YBX3: variants seen among roughly 807,000 people sequenced by gnomAD.
The protein encoded by YBX3 is Y-box binding protein 3.
Under a neutral mutation model 42.4 loss-of-function variants are expected in YBX3, and 29 were observed. The observed-to-expected ratio is 0.68, with a 90% CI of 0.51 to 0.93. The LOEUF is 0.93. Among genes scored for constraint, YBX3 ranks in the 40% least tolerant of loss-of-function variants. The pLI, the probability that YBX3 is intolerant of heterozygous loss-of-function variation, is 0.00. For synonymous variants in YBX3, 195 were observed against 189.8 expected, an observed-to-expected ratio of 1.03 and a Z score of -0.22; for missense variants, 517 against 527.5, an observed-to-expected ratio of 0.98 and a Z score of 0.19.
In YBX3 at chr12:10,710,011, G is replaced by GGGC; in HGVS notation, c.674_676dup (p.Arg225dup). 6.2e-7 allele frequency: 1 copy of GGGC among 1,613,944 alleles called. No homozygotes were observed. Among genetic ancestry groups the GGGC allele is most frequent in the Non-Finnish European group, 8.5e-7 (1 of 1,179,828 alleles). On this transcript the variant is annotated inframe_insertion, in exon 6 of 10. Transcript: ENST00000228251. ...CTGCCGGTACTGAGGGCGATACTGG[G>GGGC]GGCGGCGCAGCTGATTCCGGGCCCC... is the stretch of plus-strand genomic sequence containing the variant.
At chr12:10,711,417 A>G (rs954665519) in intron 5 of YBX3, 3 of 152,200 alleles carry the variant, frequency 2.0e-5, no homozygotes, top group Admixed American at 6.5e-5. Context: ...AAAAAGCCTC[A>G]ACTAGTCTAA....
At chr12:10,719,191 T>C in intron 1 of YBX3, 48 bp from the exon 2 acceptor site, 1 of 1,457,970 alleles carries the variant, frequency 6.9e-7, no homozygotes, top group Non-Finnish European at 9.6e-7. Context: ...TACAGAGAGA[T>C]ATAGCTCATA....
chr12:10,713,383 A>G, intron 4 of YBX3, 50 bp from the exon 5 acceptor site: 1 of 1,591,612 alleles, frequency 6.3e-7, no homozygotes, highest in Admixed American at 1.8e-5. Context: ...AATATACACT[A>G]ACTCAAAAAA....
chr12:10,705,518 A>G (rs1488467401), intron 6 of YBX3, among the ~76,000 whole-genome samples: 2 of 152,336 alleles, frequency 1.3e-5, no homozygotes, highest in South Asian at 2.1e-4. Flanking sequence ...ATGTCACAAA[A>G]GTGACACTGC....
rs534771208 is a variant in YBX3, at chr12:10,722,795, G to C, written c.262+55C>G. ...CGCGAGCTGCCCACACGTGCTCCGCGGCCGGCTGGGCCCGCCCCACTACGG... is the reference window on the plus strand; with the variant it reads ...CGCGAGCTGCCCACACGTGCTCCGCCGCCGGCTGGGCCCGCCCCACTACGG... On this transcript the variant is annotated intron_variant, in intron 1 of 9. Coordinates refer to ENST00000228251, the MANE Select transcript of YBX3 (RefSeq NM_003651.5). 18 of 1,342,472 alleles carry C rather than the reference G, an allele frequency of 1.3e-5. No individual in the cohort carries two copies. In the Admixed American group the frequency reaches 2.4e-4, roughly 18 times the overall value. 83.2% of individuals were successfully genotyped at this position (1,342,472 alleles called of 1,614,324 possible). A position where few individuals can be genotyped will look rare whatever the true frequency, so the allele number is the denominator to read the frequency against.
chr12:10,704,140 C>A lies in YBX3; in HGVS notation c.789G>T (p.Glu263Asp). The A allele has an allele frequency of 6.2e-7, 1 of 1,614,194 alleles. No individual in the cohort carries two copies. The highest frequency in any genetic ancestry group is 8.5e-7 in the Non-Finnish European group (1 of 1,180,008). The change falls in exon 7 of 10, where the codon GAG (glutamate) becomes GAT (aspartate). Residue 263 changes from glutamate to aspartate, a missense_variant. Physicochemically the swap from Glu to Asp is conservative, Grantham distance 45. Coordinates refer to ENST00000228251, the MANE Select transcript of YBX3 (RefSeq NM_003651.5). The part of the protein sequence containing the change: ...LPHPNRIQAG[E>D]IGEMKDGVPE... Reference sequence around the variant, plus strand: ...GGACTCCATCCTTCATCTCTCCAATCTCACCAGCCTGGAGAGGCAATGAGA... The same window carrying A: ...GGACTCCATCCTTCATCTCTCCAATATCACCAGCCTGGAGAGGCAATGAGA...
intron 3 of YBX3, among the ~76,000 whole-genome samples, chr12:10,716,558 C>T (rs1170052656): frequency 1.3e-5 from 2 of 152,198 alleles, no homozygotes; most frequent in African/African-American, 2.4e-5. Flanking sequence ...TCTCTTGTTC[C>T]ATCAATGAAG....
In YBX3 at chr12:10,723,069, GGGTGGTGGTGGT is replaced by G. The variant is rs566378677; in HGVS notation, c.31_42del (p.Thr11_Thr14del). 4.6e-5 allele frequency: 56 copies of G among 1,207,592 alleles called. No individual in the cohort carries two copies. Among genetic ancestry groups the G allele is most frequent in the Non-Finnish European group, 5.0e-5 (49 of 974,188 alleles). 74.8% of individuals were successfully genotyped at this position (1,207,592 alleles called of 1,614,324 possible). A position where few individuals can be genotyped will look rare whatever the true frequency, so the allele number is the denominator to read the frequency against. ...GCCGCCTCCGTCGGAGCCTGCGGGA[GGGTGGTGGTGGT>G]GGTGGTGGTGGCCTCGCCCGCCTCA... is the stretch of plus-strand genomic sequence containing the variant. On this transcript the variant is annotated inframe_deletion, in exon 1 of 10. Coordinates refer to ENST00000228251, the MANE Select transcript of YBX3 (RefSeq NM_003651.5).
At position 10,715,736 on chromosome 12, in the gene YBX3, T is replaced by C. The variant is rs1401331837; in HGVS notation, c.408A>G (p.Gly136=). The C allele has an allele frequency of 6.2e-7, 1 of 1,614,072 alleles. No homozygotes were observed. Among genetic ancestry groups the C allele is most frequent in the Admixed American group, 1.7e-5 (1 of 60,020 alleles). Residue 136 remains glycine (G), a synonymous_variant, in exon 4 of 10, where the codon GGA becomes GGG. Coordinates refer to ENST00000228251, the MANE Select transcript of YBX3 (RefSeq NM_003651.5). The stretch of plus-strand genomic sequence containing the variant: ...CATCAAACTCTACAGTTTCTCCATC[T>C]CCTACACTGCGCAGATATTTCCGTG... ...NNPRKYLRSV[G]DGETVEFDVV... is the part of the protein sequence containing the mutation.
chr12:10,715,564 T>C, intron 4 of YBX3, 130 bp downstream of exon 4: 1 of 867,652 alleles, frequency 1.2e-6, no homozygotes, highest in South Asian at 1.5e-5. Flanking sequence ...AAAATTCTGT[T>C]TAAAAGTCAC....
intron 5 of YBX3, 23 bp downstream of exon 5, chr12:10,713,188 G>A: frequency 6.2e-7 from 1 of 1,600,714 alleles, no homozygotes; most frequent in Non-Finnish European, 8.5e-7. Flanking sequence ...TCAATCACTG[G>A]TTAAGTAACA....
intron 3 of YBX3, 37 bp downstream of exon 3, chr12:10,718,051 C>T (rs1453151432): frequency 1.3e-6 from 2 of 1,574,482 alleles, no homozygotes; most frequent in African/African-American, 2.7e-5. Context: ...ACACCCTCTC[C>T]TCACATAGCA....
chr12:10,715,798 G>C lies in YBX3; in HGVS notation c.361-15C>G, dbSNP rs1294887299. 6 of 1,608,408 alleles carry C rather than the reference G, an allele frequency of 3.7e-6. No homozygotes were observed. The highest frequency in any genetic ancestry group is 5.1e-6 in the Non-Finnish European group (6 of 1,175,088). ...TTGATGGCAGTCTGGAAAGAGAACA[G>C]AAAATTTTATTCGATGTATATTTCA... is the stretch of plus-strand genomic sequence containing the variant. On this transcript the variant is annotated splice_polypyrimidine_tract_variant and intron_variant, in intron 3 of 9. Coordinates refer to ENST00000228251, the MANE Select transcript of YBX3 (RefSeq NM_003651.5).
At chr12:10,710,382 T>C (rs1039271089) in intron 5 of YBX3, 2 of 1,366,346 alleles carry the variant, frequency 1.5e-6, no homozygotes, top group Non-Finnish European at 1.9e-6. Context: ...AGTCATCTCA[T>C]TAGAACTCGT....
At chr12:10,707,855 C>CA (rs1948155215) in intron 6 of YBX3, among the ~76,000 whole-genome samples, 1 of 151,876 alleles carries the variant, frequency 6.6e-6, no homozygotes, top group African/African-American at 2.4e-5. Flanking sequence ...TGTTGAGTCA[C>CA]AAAAAAAGAC....
chr12:10,711,453 C>G (rs1948199012), intron 5 of YBX3: 1 of 152,192 alleles, frequency 6.6e-6, no homozygotes, highest in South Asian at 2.1e-4. Context: ...AGTCATTCTA[C>G]TCTTCATAAA....
intron 9 of YBX3, among the ~76,000 whole-genome samples, chr12:10,700,427 T>C (rs1234866347): frequency 2.0e-5 from 3 of 152,044 alleles, no homozygotes; most frequent in African/African-American, 7.2e-5. Flanking sequence ...CCAAGAAGTA[T>C]AAGAACTAAA....
intron 4 of YBX3, among the ~76,000 whole-genome samples, chr12:10,714,906 C>T (rs1948242977): frequency 6.6e-6 from 1 of 151,750 alleles, no homozygotes; most frequent in Non-Finnish European, 1.5e-5. Context: ...GGAGTGCGAC[C>T]ACACTCAGAT....
chr12:10,701,245 A>G lies in YBX3; in HGVS notation c.*34+9T>C, dbSNP rs747035686. ...TACCAACTCAAGACTGGGCTGCCCC[A>G]GCTCTTACCTGCCGATGGTGAAGGT... On this transcript the variant is annotated intron_variant, in intron 9 of 9. Transcript: ENST00000228251. The G allele has an allele frequency of 2.6e-6, 2 of 775,388 alleles. No homozygotes were observed. The highest frequency in any genetic ancestry group is 3.4e-5 in the African/African-American group (2 of 58,862). 48.0% of individuals were successfully genotyped at this position (775,388 alleles called of 1,614,324 possible). A position where few individuals can be genotyped will look rare whatever the true frequency, so the allele number is the denominator to read the frequency against.
Sources: gnomAD v4.1 joint callset for allele counts (sites outside exome capture counted in the v4.1 genomes callset) on GRCh38, gnomAD v4.1.1 for gene constraint, MANE v1.5 for transcripts, NCBI Gene and HGNC (gene_info 2026-07-23, HGNC 2026-07-21) for gene names.